Variants in DUSP15 observed in about 807,000 individuals in gnomAD.
DUSP15 encodes dual specificity protein phosphatase 15.
In DUSP15, 23 loss-of-function variants were observed where a neutral mutation model predicts 26.3. The observed-to-expected ratio is 0.87, with a 90% CI of 0.63 to 1.24. The LOEUF (loss-of-function observed/expected upper bound fraction) is 1.24. Ranked by LOEUF, DUSP15 falls within the 50% of genes most tolerant of loss-of-function variation. DUSP15 has a pLI of 0.00. For missense variants in DUSP15, 364 were observed against 320.6 expected (o/e 1.14, Z -1.03); for synonymous variants, 143 against 135.5 (o/e 1.06, Z -0.39).
downstream of DUSP15, among the ~76,000 whole-genome samples, chr20:31,858,419 G>A (rs139402518): frequency 6.0e-4 from 91 of 152,310 alleles, no homozygotes; most frequent in African/African-American, 2.0e-3. The surrounding 1 kb of genome is among the most constrained non-coding windows in gnomAD (Gnocchi z 4.4). Flanking sequence ...TGGGGACTAC[G>A]GGCCACCTGG....
chr20:31,867,023 C>T, intron 3 of DUSP15, 48 bp downstream of exon 3: 1 of 1,520,360 alleles, frequency 6.6e-7, no homozygotes, highest in African/African-American at 1.4e-5. Flanking sequence ...ATAAACAGGT[C>T]TGCACCCTCC....
chr20:31,870,512 G>A lies in DUSP15; in HGVS notation c.-175C>T. On this transcript the variant is annotated 5_prime_UTR_variant, in exon 1 of 7. Transcript: ENST00000339738. The surrounding 1 kb of genome is among the most constrained non-coding windows in gnomAD (Gnocchi z 6.6). Reference sequence around the variant, plus strand: ...CCACCGCCACCGCCCGCCGACCCCCGGCCCGGGAGGGAAATGGTGGTGGAG... The same window carrying A: ...CCACCGCCACCGCCCGCCGACCCCCAGCCCGGGAGGGAAATGGTGGTGGAG... 2 of 1,416,096 alleles carry A rather than the reference G, an allele frequency of 1.4e-6. No individual in the cohort carries two copies. The highest frequency in any genetic ancestry group is 1.8e-6 in the Non-Finnish European group (2 of 1,087,732). The allele number at this position is 1,416,096 out of a possible 1,614,324, so 87.7% of individuals were successfully genotyped here.
chr20:31,857,593 C>G (rs990133110), downstream of DUSP15, among the ~76,000 whole-genome samples: 14 of 152,216 alleles, frequency 9.2e-5, no homozygotes, highest in African/African-American at 3.1e-4. Flanking sequence ...TCTCCTCCCC[C>G]ACTTTAGTTC....
chr20:31,861,495 G>T lies in DUSP15; in HGVS notation c.616C>A (p.Arg206=). 6.5e-7 allele frequency: 1 copy of T among 1,533,554 alleles called. No individual in the cohort carries two copies. The highest frequency in any genetic ancestry group is 8.7e-7 in the Non-Finnish European group (1 of 1,149,478). The allele number at this position is 1,533,554 out of a possible 1,614,324, so 95.0% of individuals were successfully genotyped here. A position where few individuals can be genotyped will look rare whatever the true frequency, so the allele number is the denominator to read the frequency against. The change falls in exon 7 of 7, where the codon CGG becomes AGG. Residue 206 remains arginine (R), a synonymous_variant. Coordinates refer to ENST00000339738, the MANE Select transcript of DUSP15 (RefSeq NM_080611.5). ...AGCGGCAGCGGCCGGTGGGCTTCCCGGGGCGTGCGCGGCACCAGGCGCTGC... is the reference window on the plus strand; with the variant it reads ...AGCGGCAGCGGCCGGTGGGCTTCCCTGGGCGTGCGCGGCACCAGGCGCTGC... ...TVQRLVPRTP[R]EAHRPLPLLA... is the part of the protein sequence containing the mutation.
At chr20:31,852,117 C>T (rs1473839413) in intron 6 of DUSP15, among the ~76,000 whole-genome samples, 1 of 151,788 alleles carries the variant, frequency 6.6e-6, no homozygotes, top group East Asian at 1.9e-4. Context: ...AAGTGATTCT[C>T]CCGCCTCAGC....
chr20:31,849,483 C>T, intron 8 of DUSP15: 1 of 697,438 alleles, frequency 1.4e-6, no homozygotes, highest in Non-Finnish European at 2.7e-6. Context: ...TTGCCCACCG[C>T]GTCCTTATGC....
intron 2 of DUSP15, among the ~76,000 whole-genome samples, chr20:31,869,358 G>C (rs566103865): frequency 6.6e-6 from 1 of 152,314 alleles, no homozygotes; most frequent in East Asian, 1.9e-4. Flanking sequence ...AGGCCCCCAT[G>C]CTCCCTCCAT....
At chr20:31,848,561 T>C in exon 10 of DUSP15, 1 of 1,571,104 alleles carries the variant, frequency 6.4e-7, no homozygotes, top group East Asian at 2.3e-5. Context: ...AAGCTGCACC[T>C]GCACCTGCGG....
chr20:31,851,519 CTGAAGATGG>C (rs2123187750), intron 6 of DUSP15, among the ~76,000 whole-genome samples: 1 of 152,044 alleles, frequency 6.6e-6, no homozygotes, highest in African/African-American at 2.4e-5. Flanking sequence ...GGCAATGAAA[CTGAAGATGG>C]TGGAGGTGAA....
chr20:31,859,319 C>A (rs529193848), downstream of DUSP15, among the ~76,000 whole-genome samples: 2 of 151,158 alleles, frequency 1.3e-5, no homozygotes, highest in East Asian at 3.9e-4. Context: ...GGATTTGCAT[C>A]TTTCATTAAA....
rs781348344 is a variant in DUSP15, at chr20:31,863,689, G to A, written c.263+218C>T. 1.0e-4 allele frequency: 58 copies of A among 553,968 alleles called. No homozygotes were observed. In the Admixed American group the frequency reaches 1.5e-3, roughly 14 times the overall value. 34.3% of individuals were successfully genotyped at this position (553,968 alleles called of 1,614,324 possible). A position where few individuals can be genotyped will look rare whatever the true frequency, so the allele number is the denominator to read the frequency against. On this transcript the variant is annotated intron_variant, in intron 5 of 6. Transcript: ENST00000339738. ...CGCATTTTACAGATGAGGACATTGA[G>A]TCTCAGAGAGAAACAGCTACTTGGC...
intron 8 of DUSP15, chr20:31,849,474 T>G (rs2062426164): frequency 1.5e-6 from 1 of 674,078 alleles, no homozygotes; most frequent in Non-Finnish European, 2.8e-6. Context: ...CATGTTCCTT[T>G]GCCCACCGCG....
chr20:31,864,457 G>A (rs906698882), intron 4 of DUSP15: 61 of 1,034,824 alleles, frequency 5.9e-5, no homozygotes, highest in Middle Eastern at 4.6e-4. Context: ...CAAAAATCCC[G>A]TTTTCTGAGC....
At chr20:31,849,707 G>A (rs1304522003) in intron 8 of DUSP15, 4 of 1,529,604 alleles carry the variant, frequency 2.6e-6, no homozygotes, top group Admixed American at 2.0e-5. Context: ...TGCAACACGT[G>A]GGCGCTGGGC....
At chr20:31,854,567 C>T (rs1187341469) in intron 6 of DUSP15, among the ~76,000 whole-genome samples, 1 of 152,190 alleles carries the variant, frequency 6.6e-6, no homozygotes, top group African/African-American at 2.4e-5. Flanking sequence ...GTCCCTGGCA[C>T]ACAGGACACC....
chr20:31,846,477 GA>G (rs1372816538), downstream of DUSP15, among the ~76,000 whole-genome samples: 332 of 118,472 alleles, frequency 2.8e-3, 2 homozygotes, highest in African/African-American at 0.011. Flanking sequence ...AGAGAGAGAG[GA>G]GAGAGAGGCA....
Position 31,869,594 on chromosome 20 carries a change from G to T in DUSP15, c.25C>A (p.Leu9Ile). Residue 9 changes from leucine (L) to isoleucine (I), a missense_variant, in exon 2 of 7, where the codon CTT (leucine) becomes ATT (isoleucine). By Grantham distance (5) the Leu-to-Ile change is conservative (BLOSUM62 2). Transcript: ENST00000339738. Reference protein sequence around the residue: MGNGMTKVLPGLYLGNFID... With the variant: MGNGMTKVIPGLYLGNFID... ...AAGTTTCCGAGGTAGAGTCCAGGAA[G>T]TACCTAGAGGAAGGACAGGCAAGGG... The T allele has an allele frequency of 6.2e-7, 1 of 1,613,774 alleles. No individual in the cohort carries two copies. Among genetic ancestry groups the T allele is most frequent in the Non-Finnish European group, 8.5e-7 (1 of 1,179,868 alleles).
At chr20:31,846,229 CACACAAGCACAT>C, downstream of DUSP15, among the ~76,000 whole-genome samples, 1 of 151,516 alleles carries the variant, frequency 6.6e-6, no homozygotes, top group East Asian at 1.9e-4. Flanking sequence ...CACAGACACA[CACACAAGCACAT>C]ACACAGACAC....
chr20:31,863,945 G>T lies in DUSP15; in HGVS notation c.225C>A (p.His75Gln), dbSNP rs1306419782. 6.2e-7 allele frequency: 1 copy of T among 1,613,986 alleles called. No homozygotes were observed. The highest frequency in any genetic ancestry group is 8.5e-7 in the Non-Finnish European group (1 of 1,180,018). ...KHFKECINFIHCCRLNGGNCL... is the reference protein window; with the variant it reads ...KHFKECINFIQCCRLNGGNCL... Reference sequence around the variant, plus strand: ...AGTTCCCCCCATTAAGGCGGCAGCAGTGGATGAAGTTGATACATTCTTTGA... The same window carrying T: ...AGTTCCCCCCATTAAGGCGGCAGCATTGGATGAAGTTGATACATTCTTTGA... The change falls in exon 5 of 7, where the codon CAC becomes CAA. Residue 75 changes from histidine to glutamine, a missense_variant. Coordinates refer to ENST00000339738, the MANE Select transcript of DUSP15 (RefSeq NM_080611.5).
Sources: gnomAD v4.1 joint callset for allele counts (sites outside exome capture counted in the v4.1 genomes callset) on GRCh38, gnomAD v4.1.1 for gene constraint, Gnocchi (gnomAD v3.1) non-coding constraint, MANE v1.5 for transcripts, NCBI Gene and HGNC (gene_info 2026-07-23, HGNC 2026-07-21) for gene names.